The following PCDH15 variants were observed in gnomAD, a reference collection of about 807,000 sequenced individuals.
PCDH15 encodes the protein protocadherin related 15.
In PCDH15, 129 loss-of-function variants were observed where a neutral mutation model predicts 178.5. The observed-to-expected ratio is 0.72, with a 90% CI of 0.63 to 0.84. The LOEUF (loss-of-function observed/expected upper bound fraction) is 0.84, where lower values mean the gene tolerates loss of function less well. Ranked by LOEUF, PCDH15 falls within the 40% of genes least tolerant of loss-of-function variation. The pLI is 0.00. For missense variants in PCDH15, 2,230 were observed against 2,099.9 expected (o/e 1.06, Z -1.21); for synonymous variants, 800 against 732.0 (o/e 1.09, Z -1.50).
intron 3 of PCDH15, among the ~76,000 whole-genome samples, chr10:54,492,912 A>G (rs2079738940): frequency 1.3e-5 from 2 of 152,266 alleles, no homozygotes; most frequent in African/African-American, 2.4e-5. Flanking sequence ...ACAGTTCCAC[A>G]TGGCTGGAGA....
Position 54,437,572 on chromosome 10 carries a change from C to T in PCDH15, c.158-58630G>A, listed in dbSNP as rs554928886. Among the ~76,000 whole-genome samples the T allele has an allele frequency of 3.9e-5, 6 of 152,176 alleles. No individual in the cohort carries two copies. The South Asian group carries it at 1.2e-3, about 32-fold the overall frequency. On this transcript the variant is annotated intron_variant, in intron 3 of 37. Coordinates refer to ENST00000644397, the MANE Select transcript of PCDH15 (RefSeq NM_001384140.1). Reference sequence around the variant, plus strand: ...CATGATAAATAGGAATCAGTTTTTACATTGGTTTTGATGGTTCACACTGTC... The same window carrying T: ...CATGATAAATAGGAATCAGTTTTTATATTGGTTTTGATGGTTCACACTGTC...
At chr10:54,237,024 C>T (rs1018083473) in intron 8 of PCDH15, 93 bp from the exon 9 acceptor site, 17 of 1,059,262 alleles carry the variant, frequency 1.6e-5, no homozygotes, top group South Asian at 7.5e-5. Context: ...ATCTATATAA[C>T]GTCTGAGACA....
At chr10:54,698,160 A>G (rs1038020009) in intron 1 of PCDH15, among the ~76,000 whole-genome samples, 1 of 152,184 alleles carries the variant, frequency 6.6e-6, no homozygotes, top group African/African-American at 2.4e-5. Context: ...AAGAAAGTTT[A>G]CATTCGCTTG....
Position 53,888,702 on chromosome 10 carries a change from T to TATATATATATATATATATATATATATATA in PCDH15, c.3501+14540_3501+14541insTATATATATATATATATATATATATATAT, listed in dbSNP as rs1554845542. Among the ~76,000 whole-genome samples, 4 of 46,202 alleles carry TATATATATATATATATATATATATATATA rather than the reference T, an allele frequency of 8.7e-5. 2 individuals carry two copies. Among genetic ancestry groups the TATATATATATATATATATATATATATATA allele is most frequent in the Non-Finnish European group, 1.8e-4 (4 of 22,334 alleles). The allele number at this position is 46,202 out of a possible 152,430, so 30.3% of individuals were successfully genotyped here. A position where few individuals can be genotyped will look rare whatever the true frequency, so the allele number is the denominator to read the frequency against. On this transcript the variant is annotated intron_variant, in intron 26 of 37. Transcript: ENST00000644397. The stretch of plus-strand genomic sequence containing the variant: ...ATATATATATATATATATATATATA[T>TATATATATATATATATATATATATATATA]ATCTCCTGTGGAAATTGATAAGCTG...
intron 26 of PCDH15, among the ~76,000 whole-genome samples, chr10:53,873,016 C>G (rs1365748854): frequency 6.6e-6 from 1 of 152,164 alleles, no homozygotes; most frequent in Non-Finnish European, 1.5e-5. Flanking sequence ...TGATCTCTGT[C>G]CTTTTCACCT....
intron 25 of PCDH15, among the ~76,000 whole-genome samples, chr10:53,936,777 C>G (rs186881945): frequency 6.6e-6 from 1 of 152,040 alleles, no homozygotes. Context: ...ATGAATTACA[C>G]TTCTGATTTT....
chr10:55,470,090 C>T (rs1257101096), intron 2 of PCDH15, among the ~76,000 whole-genome samples: 1 of 152,008 alleles, frequency 6.6e-6, no homozygotes, highest in Non-Finnish European at 1.5e-5. Context: ...GTGTCTCATG[C>T]CTGTAATCCC....
intron 2 of PCDH15, among the ~76,000 whole-genome samples, chr10:55,097,368 G>T (rs1266043884): frequency 6.6e-6 from 1 of 152,024 alleles, no homozygotes; most frequent in Non-Finnish European, 1.5e-5. Context: ...ACATAGCTGG[G>T]ATTTGGGGGA....
rs796119999 is a variant in PCDH15 at position 53,980,240 on chromosome 10, A to T, written c.2868+15409T>A. On this transcript the variant is annotated intron_variant, in intron 21 of 37. Coordinates refer to ENST00000644397, the MANE Select transcript of PCDH15 (RefSeq NM_001384140.1). The stretch of plus-strand genomic sequence containing the variant: ...CATCTCAAAAAAAAAAAAGAAAAAA[A>T]CTTAATTTTATTAGGATTTTGAACA... Among the ~76,000 whole-genome samples, 17 of 152,116 alleles carry T rather than the reference A, an allele frequency of 1.1e-4. No homozygotes were observed. The East Asian group carries it at 2.7e-3, about 24-fold the overall frequency.
intron 2 of PCDH15, among the ~76,000 whole-genome samples, chr10:55,381,202 G>C (rs963586735): frequency 6.6e-6 from 1 of 152,142 alleles, no homozygotes; most frequent in African/African-American, 2.4e-5. Flanking sequence ...ACAAAAGGCA[G>C]TGTTTGTCTC....
intron 1 of PCDH15, among the ~76,000 whole-genome samples, chr10:55,175,195 G>A (rs1839445612): frequency 1.3e-5 from 2 of 152,126 alleles, no homozygotes; most frequent in Admixed American, 1.3e-4. Flanking sequence ...GAGGGCTTAT[G>A]AAGGACTAAC....
At chr10:55,160,950 C>A (rs2132113141) in intron 2 of PCDH15, among the ~76,000 whole-genome samples, 1 of 152,238 alleles carries the variant, frequency 6.6e-6, no homozygotes, top group South Asian at 2.1e-4. Context: ...TCCTTTTAAT[C>A]TCCCTGGGGA....
intron 1 of PCDH15, among the ~76,000 whole-genome samples, chr10:54,674,153 A>AT (rs749571359): frequency 2.0e-5 from 3 of 152,144 alleles, no homozygotes; most frequent in South Asian, 4.1e-4. Context: ...TCTTTGCAGG[A>AT]TTTTTTAGGT....
At chr10:54,944,577 T>TA (rs1459723929) in intron 2 of PCDH15, among the ~76,000 whole-genome samples, 1 of 151,898 alleles carries the variant, frequency 6.6e-6, no homozygotes, top group Non-Finnish European at 1.5e-5. Context: ...CAATCCATTA[T>TA]ACAGACGCTG....
intron 5 of PCDH15, among the ~76,000 whole-genome samples, chr10:54,368,357 A>C (rs2134688881): frequency 6.6e-6 from 1 of 152,152 alleles, no homozygotes; most frequent in African/African-American, 2.4e-5. Flanking sequence ...ATGGTCTGGT[A>C]AAATATGTAC....
chr10:54,030,313 T>C (rs2093256174), intron 18 of PCDH15, among the ~76,000 whole-genome samples: 1 of 151,702 alleles, frequency 6.6e-6, no homozygotes, highest in Non-Finnish European at 1.5e-5. Flanking sequence ...ACATTATTAG[T>C]GAAAATACAT....
chr10:54,639,436 G>C (rs1383530847), intron 2 of PCDH15, among the ~76,000 whole-genome samples: 1 of 150,680 alleles, frequency 6.6e-6, no homozygotes, highest in Non-Finnish European at 1.5e-5. Flanking sequence ...TACATTAAAA[G>C]GCAAAAAAAA....
chr10:54,223,612 A>G (rs2053132984), intron 9 of PCDH15, among the ~76,000 whole-genome samples: 1 of 150,688 alleles, frequency 6.6e-6, no homozygotes. Flanking sequence ...TTTGCCTATC[A>G]TTTATTAGCA....
chr10:55,451,137 C>T (rs1006967595), intron 2 of PCDH15, among the ~76,000 whole-genome samples: 3 of 151,894 alleles, frequency 2.0e-5, no homozygotes, highest in Non-Finnish European at 2.9e-5. Flanking sequence ...GAACCTAGAG[C>T]CCATGCTCTT....
Sources: allele counts gnomAD v4.1 joint callset (sites outside exome capture counted in the v4.1 genomes callset), GRCh38; gene constraint gnomAD v4.1.1; transcripts MANE v1.5; gene names NCBI Gene and HGNC (gene_info 2026-07-23, HGNC 2026-07-21).